IL36B: variants seen among roughly 807,000 people sequenced by gnomAD.
IL36B encodes the protein interleukin 36 beta, also known as interleukin-36 beta.
A neutral mutation model predicts 19.3 loss-of-function variants in IL36B; 23 were observed. The observed-to-expected ratio is 1.19, with a 90% CI of 0.86 to 1.69. IL36B has a LOEUF of 1.69. Among genes scored for constraint, IL36B ranks in the 40% most tolerant of loss-of-function variants. The pLI is 0.00. For missense variants in IL36B, 217 were observed against 200.5 expected, an observed-to-expected ratio of 1.08 and a Z score of -0.50; for synonymous variants, 59 against 59.7, an observed-to-expected ratio of 0.99 and a Z score of 0.05.
chr2:113,040,445 A>G (rs1028827906), intron 1 of IL36B, among the ~76,000 whole-genome samples: 1 of 152,214 alleles, frequency 6.6e-6, no homozygotes, highest in Admixed American at 6.5e-5. Context: ...AATAGAAATC[A>G]GAAAATAAGT....
At chr2:113,046,472 T>C (rs566819680) in intron 1 of IL36B, among the ~76,000 whole-genome samples, 4 of 152,152 alleles carry the variant, frequency 2.6e-5, no homozygotes, top group African/African-American at 4.8e-5. Context: ...GCCCCCAAAG[T>C]GTTGGGATTA....
At chr2:113,043,370 A>G (rs10173151) in intron 1 of IL36B, among the ~76,000 whole-genome samples, 7,589 of 152,268 alleles carry the variant, frequency 0.05, 625 homozygotes, top group African/African-American at 0.17. Context: ...AGAATGAAAA[A>G]GGTTTCTTCT....
chr2:113,031,576 A>G, intron 2 of IL36B, 121 bp downstream of exon 2: 1 of 834,240 alleles, frequency 1.2e-6, no homozygotes, highest in Non-Finnish European at 2.0e-6. Flanking sequence ...TTAGGAACTG[A>G]GTGTTTTAGC....
At chr2:113,048,576 G>C (rs1290925413) in intron 1 of IL36B, among the ~76,000 whole-genome samples, 2 of 152,136 alleles carry the variant, frequency 1.3e-5, no homozygotes, top group Admixed American at 6.5e-5. Flanking sequence ...TCCACCTGAA[G>C]GTACTAGAAA....
intron 1 of IL36B, among the ~76,000 whole-genome samples, chr2:113,045,829 T>C (rs1385705269): frequency 6.6e-6 from 1 of 152,228 alleles, no homozygotes; most frequent in African/African-American, 2.4e-5. Flanking sequence ...AGCTCTTTCA[T>C]GTCTCTACTT....
chr2:113,028,559 T>A (rs540007338), intron 4 of IL36B, among the ~76,000 whole-genome samples: 1 of 152,242 alleles, frequency 6.6e-6, no homozygotes, highest in Admixed American at 6.5e-5. Context: ...ACACAGACCA[T>A]AACCACATTC....
chr2:113,042,224 G>A (rs1381579811), intron 1 of IL36B, among the ~76,000 whole-genome samples: 1 of 152,070 alleles, frequency 6.6e-6, no homozygotes, highest in Non-Finnish European at 1.5e-5. Flanking sequence ...TTGCCTTTCC[G>A]AGCTTCTCAC....
At chr2:113,047,620 A>G (rs1221950725) in intron 1 of IL36B, among the ~76,000 whole-genome samples, 1 of 152,198 alleles carries the variant, frequency 6.6e-6, no homozygotes, top group Admixed American at 6.5e-5. Context: ...ACTGTAACCA[A>G]TGCCTTGGGA....
intron 1 of IL36B, among the ~76,000 whole-genome samples, chr2:113,048,177 C>T (rs1195540391): frequency 1.3e-5 from 2 of 152,156 alleles, no homozygotes; most frequent in African/African-American, 4.8e-5. Context: ...ATGTATCATG[C>T]AAATACTAAT....
chr2:113,039,081 C>T (rs1223931476), intron 1 of IL36B, among the ~76,000 whole-genome samples: 6 of 152,200 alleles, frequency 3.9e-5, no homozygotes, highest in Admixed American at 3.9e-4. Context: ...TGGATTTCTG[C>T]ATCCAGCCTC....
rs570276594 is a variant in IL36B at position 113,033,307 on chromosome 2, T to C, written c.-57-1541A>G. ...AGTGCAGTGGCACGATCTCGGCTCA[T>C]GGAAACTTCCGCCTCTCAGGTTCAA... On this transcript the variant is annotated intron_variant, in intron 1 of 5. Transcript: ENST00000259213. 1.3e-4 allele frequency among the ~76,000 whole-genome samples: 20 copies of C among 152,278 alleles called. No homozygotes were observed. The South Asian group carries it at 3.7e-3, about 28-fold the overall frequency.
chr2:113,045,849 A>C (rs1685339755), intron 1 of IL36B, among the ~76,000 whole-genome samples: 1 of 152,176 alleles, frequency 6.6e-6, no homozygotes, highest in African/African-American at 2.4e-5. Flanking sequence ...TAAATTATTA[A>C]ATATACAGAA....
chr2:113,040,281 A>G (rs569845610), intron 1 of IL36B, among the ~76,000 whole-genome samples: 40 of 152,256 alleles, frequency 2.6e-4, no homozygotes, highest in East Asian at 1.2e-3. Flanking sequence ...AGTGCCCAAG[A>G]AAAAAAAGTC....
intron 1 of IL36B, among the ~76,000 whole-genome samples, chr2:113,048,522 A>T (rs1160920003): frequency 6.6e-6 from 1 of 152,186 alleles, no homozygotes; most frequent in Non-Finnish European, 1.5e-5. Context: ...AAATAGCATA[A>T]ATGTTTAGAA....
intron 3 of IL36B, among the ~76,000 whole-genome samples, chr2:113,030,768 GAGA>G (rs1482993230): frequency 6.6e-6 from 1 of 152,186 alleles, no homozygotes; most frequent in Non-Finnish European, 1.5e-5. Context: ...AAACTCCAAG[GAGA>G]AGGTTAGCTG....
intron 1 of IL36B, among the ~76,000 whole-genome samples, chr2:113,035,495 C>T (rs1460517647): frequency 6.6e-6 from 1 of 151,294 alleles, no homozygotes; most frequent in Non-Finnish European, 1.5e-5. Flanking sequence ...TCTTGAGAAG[C>T]TCTTCTGAAA....
intron 1 of IL36B, among the ~76,000 whole-genome samples, chr2:113,052,197 G>C (rs546371549): frequency 3.9e-5 from 6 of 151,912 alleles, no homozygotes; most frequent in Non-Finnish European, 5.9e-5. Context: ...TGTTCTGCCC[G>C]CCTCTACCTC....
chr2:113,046,864 C>T (rs1403199051), intron 1 of IL36B, among the ~76,000 whole-genome samples: 1 of 152,070 alleles, frequency 6.6e-6, no homozygotes, highest in Admixed American at 6.6e-5. Flanking sequence ...ACTCTTTCAC[C>T]CCCATTTCCA....
rs1032734005 is a variant in IL36B at position 113,026,040 on chromosome 2, T to C, written c.391+63A>G. On this transcript the variant is annotated intron_variant, in intron 5 of 5. Transcript: ENST00000259213. ...ACTGCTGGGATCCTCTGAGGAACCATGAAGAATGAACGCATCTCAGAATTG... is the reference window on the plus strand; with the variant it reads ...ACTGCTGGGATCCTCTGAGGAACCACGAAGAATGAACGCATCTCAGAATTG... The C allele has an allele frequency of 4.4e-6, 7 of 1,578,334 alleles. No homozygotes were observed. The South Asian group carries it at 6.9e-5, about 16-fold the overall frequency.
Sources: gnomAD v4.1 joint callset for allele counts (sites outside exome capture counted in the v4.1 genomes callset) on GRCh38, gnomAD v4.1.1 for gene constraint, MANE v1.5 for transcripts, NCBI Gene and HGNC (gene_info 2026-07-23, HGNC 2026-07-21) for gene names.